AKAP19: variants seen among roughly 807,000 people sequenced by gnomAD.
The protein encoded by AKAP19 is A-kinase anchoring protein 19.
At chr2:190,007,659 A>C in the AKAP19 span, among the ~76,000 whole-genome samples, 5 of 152,264 alleles carry the variant, frequency 3.3e-5, no homozygotes, top group East Asian at 9.6e-4. Context: ...GGAAAGCATT[A>C]ATAAGAAATA....
chr2:190,164,133 C>T, the AKAP19 span: 1 of 152,326 alleles, frequency 6.6e-6, no homozygotes, highest in African/African-American at 2.4e-5. Context: ...TGAAAAAATA[C>T]ATTTAAAAAT....
chr2:190,074,902 TGTGA>T, the AKAP19 span, among the ~76,000 whole-genome samples: 16 of 152,180 alleles, frequency 1.1e-4, no homozygotes, highest in Non-Finnish European at 1.9e-4. Context: ...GAGAAGAAAA[TGTGA>T]GTATCATACA....
chr2:190,037,098 A>G, the AKAP19 span, among the ~76,000 whole-genome samples: 1 of 152,248 alleles, frequency 6.6e-6, no homozygotes, highest in Non-Finnish European at 1.5e-5. Flanking sequence ...ACTGAAAGAA[A>G]GTTCCAATGA....
At chr2:190,073,982 C>T in the AKAP19 span, among the ~76,000 whole-genome samples, 5 of 150,240 alleles carry the variant, frequency 3.3e-5, no homozygotes, top group African/African-American at 1.2e-4. Context: ...GCGGAGGTTA[C>T]AGTGAGCCGA....
chr2:189,924,662 C>T, the AKAP19 span, among the ~76,000 whole-genome samples: 1 of 151,968 alleles, frequency 6.6e-6, no homozygotes, highest in African/African-American at 2.4e-5. Context: ...TGTGTTACAC[C>T]CCCACATTAG....
At chr2:189,982,394 C>T in the AKAP19 span, among the ~76,000 whole-genome samples, 1 of 151,942 alleles carries the variant, frequency 6.6e-6, no homozygotes, top group Non-Finnish European at 1.5e-5. Flanking sequence ...TCTTTCATAT[C>T]CTGAATCATT....
chr2:189,893,601 C>T, the AKAP19 span, among the ~76,000 whole-genome samples: 2 of 152,140 alleles, frequency 1.3e-5, no homozygotes, highest in African/African-American at 2.4e-5. Flanking sequence ...GTTGTAAATG[C>T]AGAAATCACC....
the AKAP19 span, among the ~76,000 whole-genome samples, chr2:190,141,307 C>T: frequency 1.3e-5 from 2 of 152,198 alleles, no homozygotes; most frequent in African/African-American, 2.4e-5. Context: ...GTCGCTTCCA[C>T]ATTTTTAGGT....
the AKAP19 span, among the ~76,000 whole-genome samples, chr2:189,999,859 T>C: frequency 6.6e-6 from 1 of 152,244 alleles, no homozygotes; most frequent in Admixed American, 6.5e-5. Context: ...AGTTTAACTT[T>C]GTTTTTGGAC....
At chr2:190,076,024 C>T in the AKAP19 span, among the ~76,000 whole-genome samples, 1 of 152,024 alleles carries the variant, frequency 6.6e-6, no homozygotes, top group Non-Finnish European at 1.5e-5. Flanking sequence ...TGATATTTTA[C>T]TGCTTCGTGT....
chr2:190,186,795 A>G, the AKAP19 span, among the ~76,000 whole-genome samples: 1 of 152,318 alleles, frequency 6.6e-6, no homozygotes, highest in Non-Finnish European at 1.5e-5. This position sits in a 1 kb window ranked among gnomAD's most constrained non-coding sequence, Gnocchi z 5.5. Context: ...ACATATAATG[A>G]CAAATATGTT....
chr2:189,973,346 G>C, the AKAP19 span, among the ~76,000 whole-genome samples: 4 of 152,142 alleles, frequency 2.6e-5, no homozygotes, highest in Non-Finnish European at 4.4e-5. Flanking sequence ...ACTTGATCAT[G>C]GTGGATAAAC....
At chr2:189,885,735 T>A in the AKAP19 span, among the ~76,000 whole-genome samples, 1 of 152,204 alleles carries the variant, frequency 6.6e-6, no homozygotes, top group Admixed American at 6.5e-5. Flanking sequence ...ACAAATAATA[T>A]TATGGTCTTG....
At chr2:190,171,537 T>C in the AKAP19 span, among the ~76,000 whole-genome samples, 1 of 152,226 alleles carries the variant, frequency 6.6e-6, no homozygotes, top group Non-Finnish European at 1.5e-5. Flanking sequence ...TTCTTAGTTC[T>C]CTCAGTCTCA....
At chr2:190,087,157 T>G in the AKAP19 span, among the ~76,000 whole-genome samples, 3 of 152,232 alleles carry the variant, frequency 2.0e-5, no homozygotes, top group African/African-American at 7.2e-5. Context: ...AAATATACAA[T>G]AACTTGTGGG....
chr2:189,879,700 G>A, the AKAP19 span: 1 of 152,270 alleles, frequency 6.6e-6, no homozygotes, highest in African/African-American at 2.4e-5. Context: ...TGCGGCCTGG[G>A]AGGCTTACCC....
chr2:189,905,516 G>A, the AKAP19 span, among the ~76,000 whole-genome samples: 1 of 151,970 alleles, frequency 6.6e-6, no homozygotes, highest in Non-Finnish European at 1.5e-5. Context: ...GATTCTTATA[G>A]TGAAAGGAAA....
the AKAP19 span, among the ~76,000 whole-genome samples, chr2:190,134,750 T>C: frequency 7.1e-5 from 7 of 98,958 alleles, no homozygotes; most frequent in African/African-American, 2.7e-4. Flanking sequence ...TAAGTTAAAT[T>C]AGATCTGTTT....
chr2:190,167,941 C>T, the AKAP19 span, among the ~76,000 whole-genome samples: 1 of 152,104 alleles, frequency 6.6e-6, no homozygotes, highest in Non-Finnish European at 1.5e-5. Flanking sequence ...AGGATGGTGG[C>T]CCTCTTCTCA....
Sources: allele counts gnomAD v4.1 joint callset (sites outside exome capture counted in the v4.1 genomes callset), GRCh38; gene constraint gnomAD v4.1.1; non-coding constraint Gnocchi (gnomAD v3.1); transcripts MANE v1.5; gene names NCBI Gene and HGNC (gene_info 2026-07-23, HGNC 2026-07-21).